NHERF1: variants seen among roughly 807,000 people sequenced by gnomAD.
NHERF1 encodes Na(+)/H(+) exchange regulatory cofactor NHE-RF1.
At chr17:74,761,926 T>C in the NHERF1 span, 3 of 1,430,960 alleles carry the variant, frequency 2.1e-6, no homozygotes, top group South Asian at 2.3e-5. The surrounding 1 kb of genome is among the most constrained non-coding windows in gnomAD (Gnocchi z 4.3). Flanking sequence ...CCTTCCTTGG[T>C]TGGGGAGATG....
chr17:74,767,046 T>G, the NHERF1 span: 3 of 1,471,410 alleles, frequency 2.0e-6, no homozygotes, highest in African/African-American at 4.2e-5. Context: ...GAAGGTGCTG[T>G]GGTTGGTAGG....
the NHERF1 span, chr17:74,761,866 C>A: frequency 2.7e-6 from 2 of 754,566 alleles, no homozygotes; most frequent in South Asian, 1.5e-5. This position sits in a 1 kb window ranked among gnomAD's most constrained non-coding sequence, Gnocchi z 4.3. Flanking sequence ...TGGGCCAGAA[C>A]CCTCTCAAAT....
the NHERF1 span, chr17:74,749,075 A>G: frequency 6.3e-7 from 1 of 1,591,784 alleles, no homozygotes; most frequent in Non-Finnish European, 8.5e-7. The surrounding 1 kb of genome is among the most constrained non-coding windows in gnomAD (Gnocchi z 5.6). Context: ...GCAGGTGGTG[A>G]GCCGCATCCG....
At chr17:74,761,711 G>C in the NHERF1 span, among the ~76,000 whole-genome samples, 1 of 152,200 alleles carries the variant, frequency 6.6e-6, no homozygotes, top group African/African-American at 2.4e-5. This position sits in a 1 kb window ranked among gnomAD's most constrained non-coding sequence, Gnocchi z 4.3. Flanking sequence ...TAGACTGTCA[G>C]AAGGGACAGG....
At chr17:74,764,178 A>G in the NHERF1 span, among the ~76,000 whole-genome samples, 1 of 152,198 alleles carries the variant, frequency 6.6e-6, no homozygotes, top group African/African-American at 2.4e-5. The surrounding 1 kb of genome is among the most constrained non-coding windows in gnomAD (Gnocchi z 4.9). Flanking sequence ...CCCTGGGAAG[A>G]TGGCTCCCTG....
chr17:74,749,097 A>G, the NHERF1 span: 1 of 1,584,940 alleles, frequency 6.3e-7, no homozygotes, highest in East Asian at 2.3e-5. This position sits in a 1 kb window ranked among gnomAD's most constrained non-coding sequence, Gnocchi z 5.6. Context: ...GCCGCACTCA[A>G]CGCCGTGCGC....
At chr17:74,765,409 G>A in the NHERF1 span, among the ~76,000 whole-genome samples, 26 of 151,716 alleles carry the variant, frequency 1.7e-4, no homozygotes, top group African/African-American at 5.8e-4. Context: ...ACAGCCATGC[G>A]CCACCACGCC....
the NHERF1 span, among the ~76,000 whole-genome samples, chr17:74,767,513 G>A: frequency 1.3e-5 from 2 of 152,346 alleles, no homozygotes. Context: ...ACTCAGTCAG[G>A]CCACAGAGCA....
At chr17:74,757,173 A>G in the NHERF1 span, among the ~76,000 whole-genome samples, 2 of 152,138 alleles carry the variant, frequency 1.3e-5, no homozygotes, top group African/African-American at 2.4e-5. Flanking sequence ...GTTACTAGCC[A>G]GAAGGAGAAC....
At chr17:74,757,738 C>T in the NHERF1 span, among the ~76,000 whole-genome samples, 1 of 152,210 alleles carries the variant, frequency 6.6e-6, no homozygotes, top group Admixed American at 6.5e-5. Context: ...ATACTCCTGA[C>T]ACACACACCC....
chr17:74,763,682 G>A, the NHERF1 span, among the ~76,000 whole-genome samples: 9 of 152,368 alleles, frequency 5.9e-5, no homozygotes, highest in African/African-American at 2.2e-4. Flanking sequence ...TGTGGGCTGG[G>A]GGAGCGGGGG....
At chr17:74,768,408 G>A in the NHERF1 span, 2 of 1,586,208 alleles carry the variant, frequency 1.3e-6, no homozygotes, top group South Asian at 1.1e-5. Context: ...CCAAGGCTGA[G>A]GACCAGGGAG....
the NHERF1 span, among the ~76,000 whole-genome samples, chr17:74,753,421 G>A: frequency 3.9e-5 from 6 of 152,198 alleles, no homozygotes; most frequent in African/African-American, 1.4e-4. Context: ...TGGAGCTCTG[G>A]TAGGGCAGAA....
chr17:74,766,873 C>G, the NHERF1 span: 1 of 1,531,856 alleles, frequency 6.5e-7, no homozygotes, highest in Non-Finnish European at 9.0e-7. Flanking sequence ...CCAACTCCTA[C>G]CTCCTCTCCA....
chr17:74,755,319 A>G, the NHERF1 span, among the ~76,000 whole-genome samples: 1 of 151,946 alleles, frequency 6.6e-6, no homozygotes. Context: ...TTCTCACGTG[A>G]TGTGATAGGT....
the NHERF1 span, chr17:74,762,313 T>TTG: frequency 2.3e-6 from 1 of 434,572 alleles, no homozygotes; most frequent in Non-Finnish European, 4.7e-6. The surrounding 1 kb of genome is among the most constrained non-coding windows in gnomAD (Gnocchi z 4.2). Context: ...GATGGGTGGA[T>TTG]GGGAGGGAGG....
chr17:74,759,573 C>T, the NHERF1 span, among the ~76,000 whole-genome samples: 1 of 152,230 alleles, frequency 6.6e-6, no homozygotes, highest in South Asian at 2.1e-4. Flanking sequence ...AGGCTTCATC[C>T]CCCAGCTCAG....
the NHERF1 span, among the ~76,000 whole-genome samples, chr17:74,750,277 C>T: frequency 6.6e-6 from 1 of 152,164 alleles, no homozygotes; most frequent in African/African-American, 2.4e-5. Context: ...AGGAGTTGTG[C>T]TGAGCCTCCT....
the NHERF1 span, chr17:74,749,062 C>A: frequency 6.3e-7 from 1 of 1,595,686 alleles, no homozygotes; most frequent in Admixed American, 1.8e-5. This position sits in a 1 kb window ranked among gnomAD's most constrained non-coding sequence, Gnocchi z 5.6. Context: ...AGGAGACCCA[C>A]CAGCAGGTGG....
Sources: gnomAD v4.1 joint callset for allele counts (sites outside exome capture counted in the v4.1 genomes callset) on GRCh38, gnomAD v4.1.1 for gene constraint, Gnocchi (gnomAD v3.1) non-coding constraint, MANE v1.5 for transcripts, NCBI Gene and HGNC (gene_info 2026-07-23, HGNC 2026-07-21) for gene names.